HK1: variants seen among roughly 807,000 people sequenced by gnomAD.
HK1 encodes the protein hexokinase-1.
A neutral mutation model predicts 91.6 loss-of-function variants in HK1; 28 were observed. The observed-to-expected ratio is 0.31, with a 90% CI of 0.23 to 0.42. The LOEUF is 0.42. Ranked by LOEUF, HK1 falls within the 10% of genes least tolerant of loss-of-function variation. The pLI is 1.00. For synonymous variants in HK1, 430 were observed against 468.1 expected (o/e 0.92, Z 1.05); for missense variants, 770 against 1,219.8 (o/e 0.63, Z 5.49).
chr10:69,332,757 C>T (rs962210734), intron 1 of HK1, among the ~76,000 whole-genome samples: 5 of 151,972 alleles, frequency 3.3e-5, no homozygotes, highest in South Asian at 2.1e-4. Context: ...AGAGAATGGA[C>T]GAGGAAATAC....
intron 8 of HK1, 97 bp downstream of exon 8, chr10:69,377,186 C>A: frequency 7.0e-7 from 1 of 1,422,376 alleles, no homozygotes; most frequent in Non-Finnish European, 9.9e-7. Flanking sequence ...GTGGCTTTTC[C>A]TTCAAGAGTG....
chr10:69,369,177 G>A lies in HK1; in HGVS notation c.592-60G>A, dbSNP rs1849865030. On this transcript the variant is annotated intron_variant, in intron 5 of 17. Coordinates refer to ENST00000359426, the MANE Select transcript of HK1 (RefSeq NM_000188.3). This position sits in a 1 kb window ranked among gnomAD's most constrained non-coding sequence, Gnocchi z 4.4. ...GAGCACTTCTGCCAAGCGCTGTTAA[G>A]GTGTGTGATCTCTGCTCCCATGTGT... 7.1e-6 allele frequency: 9 copies of A among 1,266,312 alleles called. No homozygotes were observed. The highest frequency in any genetic ancestry group is 3.4e-5 in the Admixed American group (2 of 58,680). The allele number at this position is 1,266,312 out of a possible 1,614,324, so 78.4% of individuals were successfully genotyped here.
upstream of HK1, chr10:69,315,988 C>T (rs756166032): frequency 2.0e-5 from 33 of 1,614,010 alleles, no homozygotes; most frequent in Non-Finnish European, 2.5e-5. Context: ...TTTGCCCTGT[C>T]GAGGTGCTGA....
At chr10:69,312,905 G>A (rs981977671), upstream of HK1, among the ~76,000 whole-genome samples, 2 of 152,156 alleles carry the variant, frequency 1.3e-5, no homozygotes, top group African/African-American at 4.8e-5. Context: ...TTACACAAGG[G>A]AGCCGTATTT....
chr10:69,364,345 T>C (rs202235305), intron 3 of HK1, among the ~76,000 whole-genome samples: 3 of 151,928 alleles, frequency 2.0e-5, no homozygotes. Flanking sequence ...CTAGAGGCTG[T>C]GGAATTGCCC....
At chr10:69,376,323 C>A (rs553482485) in intron 7 of HK1, among the ~76,000 whole-genome samples, 1 of 152,074 alleles carries the variant, frequency 6.6e-6, no homozygotes, top group East Asian at 1.9e-4. Flanking sequence ...TCGAAACCAG[C>A]CTAGGCAGCA....
rs550313524 is a variant in HK1, at chr10:69,351,531, A to AC, written c.226+7542_226+7543insC. On this transcript the variant is annotated intron_variant, in intron 2 of 17. Transcript: ENST00000359426. Reference sequence around the variant, plus strand: ...TCTCAAAAACAAAAACAAAAACAAAAAAAACAAAACAAAAAAACCCAAAGC... The same window carrying AC: ...TCTCAAAAACAAAAACAAAAACAAAACAAAACAAAACAAAAAAACCCAAAGC... 6.0e-3 allele frequency among the ~76,000 whole-genome samples: 904 copies of AC among 149,480 alleles called. 7 individuals carry two copies. The highest frequency in any genetic ancestry group is 0.021 in the African/African-American group (864 of 40,880).
intron 5 of HK1, among the ~76,000 whole-genome samples, chr10:69,304,908 A>G (rs970249898): frequency 6.6e-6 from 1 of 152,164 alleles, no homozygotes; most frequent in African/African-American, 2.4e-5. Flanking sequence ...TGGAGGCTAG[A>G]AGTCCAAATT....
intron 3 of HK1, among the ~76,000 whole-genome samples, chr10:69,363,365 T>C (rs1849535621): frequency 6.6e-6 from 1 of 152,198 alleles, no homozygotes; most frequent in South Asian, 2.1e-4. Flanking sequence ...AGAACACACA[T>C]AGAATATTAT....
chr10:69,375,836 G>T (rs963161065), intron 7 of HK1, among the ~76,000 whole-genome samples: 4 of 152,160 alleles, frequency 2.6e-5, no homozygotes, highest in South Asian at 4.1e-4. Context: ...GCCAGCTCCC[G>T]GCTGGGCCTT....
Position 69,379,988 on chromosome 10 carries a change from G to A in HK1, c.1158G>A (p.Val386=), listed in dbSNP as rs750568589. ...TIVSFRSANL[V]AATLGAILNR... ...TCTCATTTCGCTCAGCCAACTTGGTGGCTGCCACACTGGGCGCCATCTTGA... is the reference window on the plus strand; with the variant it reads ...TCTCATTTCGCTCAGCCAACTTGGTAGCTGCCACACTGGGCGCCATCTTGA... The change falls in exon 9 of 18, where the codon GTG becomes GTA. Residue 386 remains valine (V), a synonymous_variant. Coordinates refer to ENST00000359426, the MANE Select transcript of HK1 (RefSeq NM_000188.3). 2 of 1,614,182 alleles carry A rather than the reference G, an allele frequency of 1.2e-6. No homozygotes were observed. Among genetic ancestry groups the A allele is most frequent in the South Asian group, 2.2e-5 (2 of 91,084 alleles).
chr10:69,299,724 C>T (rs146285207), intron 4 of HK1, among the ~76,000 whole-genome samples: 3,246 of 150,014 alleles, frequency 0.022, 204 homozygotes, highest in African/African-American at 0.075. Flanking sequence ...TGCAGTGGCG[C>T]AATCTCGGCT....
chr10:69,373,408 A>G (rs944544448), intron 7 of HK1, among the ~76,000 whole-genome samples: 1 of 152,174 alleles, frequency 6.6e-6, no homozygotes, highest in African/African-American at 2.4e-5. Context: ...TTGAGTGTTC[A>G]GGCCCCACCT....
chr10:69,271,862 T>TC (rs1164626467), intron 1 of HK1, among the ~76,000 whole-genome samples: 2 of 151,128 alleles, frequency 1.3e-5, no homozygotes. Flanking sequence ...CTGTGATTTC[T>TC]CTTTTTTTTT....
At chr10:69,334,795 G>A (rs765104777) in intron 1 of HK1, among the ~76,000 whole-genome samples, 2 of 152,186 alleles carry the variant, frequency 1.3e-5, no homozygotes, top group Non-Finnish European at 2.9e-5. Flanking sequence ...GCCCAGGAAA[G>A]ACACACACCA....
rs752707011 is a variant in HK1 at position 69,368,618 on chromosome 10, T to C, written c.578T>C (p.Ile193Thr). ...GTGGTCAAACTGCTTAACAAAGCCA[T>C]CAAAAAGCGAGGGGTAATTTCTCCT... ...ADVVKLLNKA[I>T]KKRGDYDANI... is the part of the protein sequence containing the mutation. The change falls in exon 5 of 18, where the codon ATC becomes ACC. Residue 193 changes from isoleucine (I) to threonine (T), a missense_variant. Ile to Thr is a moderately conservative substitution (Grantham distance 89). Around this residue, in one of 7 missense-constraint regions of HK1, gnomAD observed 449 missense variants for 665.1 expected, o/e 0.68. Coordinates refer to ENST00000359426, the MANE Select transcript of HK1 (RefSeq NM_000188.3). The C allele has an allele frequency of 6.2e-7, 1 of 1,613,756 alleles. No homozygotes were observed. The highest frequency in any genetic ancestry group is 8.5e-7 in the Non-Finnish European group (1 of 1,179,656).
At chr10:69,384,660 T>G (rs754707857) in intron 11 of HK1, 136 bp from the exon 12 acceptor site, 5 of 1,435,660 alleles carry the variant, frequency 3.5e-6, no homozygotes, top group Non-Finnish European at 4.9e-6. Context: ...GAGAAGATTC[T>G]GGAAAAGGAG....
At chr10:69,280,128 G>T (rs1419238539) in intron 1 of HK1, among the ~76,000 whole-genome samples, 5 of 144,022 alleles carry the variant, frequency 3.5e-5, no homozygotes, top group Admixed American at 1.4e-4. Context: ...AAAAGGTTTT[G>T]TTTTTTTTTT....
intron 1 of HK1, among the ~76,000 whole-genome samples, chr10:69,275,293 G>A (rs1844381374): frequency 6.6e-6 from 1 of 151,492 alleles, no homozygotes; most frequent in African/African-American, 2.4e-5. Context: ...GGCCAAGGTG[G>A]GAGGATAGCT....
Sources: allele counts gnomAD v4.1 joint callset (sites outside exome capture counted in the v4.1 genomes callset), GRCh38; gene constraint gnomAD v4.1.1; regional missense constraint gnomAD v4.1.1; non-coding constraint Gnocchi (gnomAD v3.1); transcripts MANE v1.5; gene names NCBI Gene and HGNC (gene_info 2026-07-23, HGNC 2026-07-21).